Variants in MDGA2 observed in about 807,000 individuals in gnomAD.
MDGA2 encodes the protein MAM domain-containing glycosylphosphatidylinositol anchor protein 2.
A neutral mutation model predicts 117.8 loss-of-function variants in MDGA2; 40 were observed. That is an observed-to-expected ratio of 0.34 (90% CI 0.26 to 0.44). MDGA2 has a LOEUF of 0.44. Among genes scored for constraint, MDGA2 ranks in the 20% least tolerant of loss-of-function variants. MDGA2 has a pLI of 1.00. For missense variants in MDGA2, 1,123 were observed against 1,250.6 expected (o/e 0.90, Z 1.54); for synonymous variants, 452 against 439.0 (o/e 1.03, Z -0.37).
intron 1 of MDGA2, among the ~76,000 whole-genome samples, chr14:47,659,617 A>C (rs1428661759): frequency 2.0e-5 from 3 of 152,236 alleles, no homozygotes; most frequent in Admixed American, 2.0e-4. Flanking sequence ...ATAGAGATGT[A>C]CTTAAATCTT....
chr14:47,378,006 C>T (rs1319038935), intron 1 of MDGA2, among the ~76,000 whole-genome samples: 5 of 152,258 alleles, frequency 3.3e-5, no homozygotes, highest in African/African-American at 7.2e-5. Flanking sequence ...CCCTCTGAGA[C>T]GAAGCTTCCA....
intron 3 of MDGA2, among the ~76,000 whole-genome samples, chr14:47,206,607 G>C (rs1885693121): frequency 6.6e-6 from 1 of 151,766 alleles, no homozygotes; most frequent in South Asian, 2.1e-4. Context: ...TATATAGGTA[G>C]GGCTGGGTGC....
chr14:46,986,333 C>A (rs1170930258), intron 8 of MDGA2, among the ~76,000 whole-genome samples: 1 of 152,036 alleles, frequency 6.6e-6, no homozygotes, highest in Non-Finnish European at 1.5e-5. Context: ...ATTATTTATA[C>A]CAACAAAGCC....
rs535419832 is a variant in MDGA2 at position 47,642,307 on chromosome 14, A to T, written c.280+32210T>A. On this transcript the variant is annotated intron_variant, in intron 1 of 16. Transcript: ENST00000399232. ...CTGAATCAGTATTCCCAAGGCACTT[A>T]GAAAAGGGCGTGATATATAAATCAG... 1.1e-4 allele frequency among the ~76,000 whole-genome samples: 16 copies of T among 152,232 alleles called. No homozygotes were observed. The East Asian group carries it at 3.1e-3, about 29-fold the overall frequency.
intron 14 of MDGA2, chr14:46,871,550 C>T (rs1881998556): frequency 6.6e-6 from 1 of 151,970 alleles, no homozygotes. Flanking sequence ...AGTATCCTAG[C>T]CCATGATGAG....
chr14:46,901,138 A>G (rs1883267836), intron 10 of MDGA2, among the ~76,000 whole-genome samples: 1 of 147,150 alleles, frequency 6.8e-6, no homozygotes, highest in Admixed American at 6.9e-5. Flanking sequence ...TTGTTATAGT[A>G]AATTTTAAGA....
chr14:47,019,398 TG>T (rs1240091024), intron 8 of MDGA2, among the ~76,000 whole-genome samples: 5 of 152,326 alleles, frequency 3.3e-5, no homozygotes, highest in Admixed American at 2.0e-4. Context: ...TTGTTATTTT[TG>T]TTGTTGCTGT....
In MDGA2 at chr14:46,884,878, G is replaced by A. The variant is rs1364950727; in HGVS notation, c.2239-2657C>T. Reference sequence around the variant, plus strand: ...TTTGTTTTTTTTCTGAGACAGTCTCGCTCTGTCACCTAGGCTGGAGTACAA... The same window carrying A: ...TTTGTTTTTTTTCTGAGACAGTCTCACTCTGTCACCTAGGCTGGAGTACAA... On this transcript the variant is annotated intron_variant, in intron 10 of 16. Transcript: ENST00000399232. The surrounding 1 kb of genome is among the most constrained non-coding windows in gnomAD (Gnocchi z 4.1). 4.0e-5 allele frequency among the ~76,000 whole-genome samples: 6 copies of A among 150,352 alleles called. 1 individual carries two copies. The highest frequency in any genetic ancestry group is 1.3e-4 in the Admixed American group (2 of 15,088).
chr14:47,404,023 T>G (rs1272342027), intron 1 of MDGA2, among the ~76,000 whole-genome samples: 2 of 152,150 alleles, frequency 1.3e-5, no homozygotes, highest in African/African-American at 2.4e-5. Flanking sequence ...AATTCATGTT[T>G]CCCTGTTTCT....
intron 1 of MDGA2, among the ~76,000 whole-genome samples, chr14:47,416,394 C>T (rs1190278648): frequency 6.6e-6 from 1 of 152,184 alleles, no homozygotes; most frequent in Non-Finnish European, 1.5e-5. Flanking sequence ...TATCCAGTCT[C>T]CCAGACAGAC....
rs1314435736 is a variant in MDGA2 at position 46,926,099 on chromosome 14, C to T, written c.2090-5939G>A. On this transcript the variant is annotated intron_variant, in intron 9 of 16. Transcript: ENST00000399232. ...AATATGTCAGTGCTAACTTGTGAAG[C>T]ATCTTAGTGATATAAGATGTTGAAT... 2.6e-5 allele frequency among the ~76,000 whole-genome samples: 4 copies of T among 152,120 alleles called. No individual in the cohort carries two copies. In the South Asian group the frequency reaches 8.3e-4, roughly 31 times the overall value.
At chr14:46,939,665 G>T (rs551787651) in intron 9 of MDGA2, among the ~76,000 whole-genome samples, 1 of 152,296 alleles carries the variant, frequency 6.6e-6, no homozygotes, top group African/African-American at 2.4e-5. Flanking sequence ...GTATTTGTCA[G>T]GCACCATGCT....
At chr14:47,528,800 T>A (rs375455186) in intron 1 of MDGA2, among the ~76,000 whole-genome samples, 1 of 152,122 alleles carries the variant, frequency 6.6e-6, no homozygotes, top group African/African-American at 2.4e-5. Context: ...TCTTTTTGCA[T>A]CTGATTTTGA....
chr14:46,919,932 CAA>C, intron 10 of MDGA2, 78 bp downstream of exon 10: 1 of 1,318,008 alleles, frequency 7.6e-7, no homozygotes, highest in Non-Finnish European at 1.0e-6. Flanking sequence ...GGAATTCATG[CAA>C]AACTCTTAGA....
intron 2 of MDGA2, among the ~76,000 whole-genome samples, chr14:47,240,134 T>A (rs966918357): frequency 1.3e-5 from 2 of 151,834 alleles, no homozygotes; most frequent in Admixed American, 6.6e-5. Context: ...AACTTCTGCC[T>A]CCCTGGTTCA....
At chr14:46,971,149 T>A (rs746677715) in intron 8 of MDGA2, among the ~76,000 whole-genome samples, 3 of 151,976 alleles carry the variant, frequency 2.0e-5, no homozygotes, top group Non-Finnish European at 2.9e-5. Context: ...ACAGAAATCA[T>A]TATGACAATT....
intron 6 of MDGA2, among the ~76,000 whole-genome samples, chr14:47,079,727 A>ATGTTTTTTTTTTTTTTTTTTTT: frequency 1.2e-5 from 1 of 80,072 alleles, no homozygotes; most frequent in African/African-American, 5.7e-5. Flanking sequence ...TTTTCTACTA[A>ATGTTTTTTTTTTTTTTTTTTTT]TTTTTTTTTT....
intron 9 of MDGA2, among the ~76,000 whole-genome samples, chr14:46,950,120 A>G (rs1443700639): frequency 6.6e-6 from 1 of 152,008 alleles, no homozygotes; most frequent in South Asian, 2.1e-4. Flanking sequence ...ACTGTTTAAA[A>G]AATTATATGA....
At chr14:47,477,300 T>C (rs966669621) in intron 1 of MDGA2, among the ~76,000 whole-genome samples, 3 of 152,236 alleles carry the variant, frequency 2.0e-5, no homozygotes, top group African/African-American at 4.8e-5. Flanking sequence ...TTAGTCATTT[T>C]ATTTGTAAGA....
Sources: gnomAD v4.1 joint callset for allele counts (sites outside exome capture counted in the v4.1 genomes callset) on GRCh38, gnomAD v4.1.1 for gene constraint, Gnocchi (gnomAD v3.1) non-coding constraint, MANE v1.5 for transcripts, NCBI Gene and HGNC (gene_info 2026-07-23, HGNC 2026-07-21) for gene names.